SLC24A2: variants seen among roughly 807,000 people sequenced by gnomAD.
The protein encoded by SLC24A2 is solute carrier family 24 member 2, also known as sodium/potassium/calcium exchanger 2.
In SLC24A2, 36 loss-of-function variants were observed where a neutral mutation model predicts 62.0. The observed-to-expected ratio is 0.58, with a 90% confidence interval of 0.44 to 0.77. The LOEUF (loss-of-function observed/expected upper bound fraction) is 0.77. SLC24A2 is among the 30% of genes least tolerant of loss of function. SLC24A2 has a pLI of 0.00. For missense variants in SLC24A2, 846 were observed against 817.9 expected (o/e 1.03, Z -0.42); for synonymous variants, 358 against 294.0 (o/e 1.22, Z -2.23).
chr9:19,987,367 C>T, the SLC24A2 span, among the ~76,000 whole-genome samples: 5 of 152,150 alleles, frequency 3.3e-5, no homozygotes, highest in African/African-American at 1.2e-4. Flanking sequence ...CAAGAAGTCA[C>T]TAAATTCCTA....
the SLC24A2 span, among the ~76,000 whole-genome samples, chr9:20,053,639 G>C: frequency 4.3e-4 from 65 of 152,206 alleles, no homozygotes; most frequent in South Asian, 3.1e-3. Context: ...ATGAGATTAT[G>C]ACCTTATAAA....
rs1832929689 is a variant in SLC24A2, at chr9:19,516,393, C to T, written c.1746G>A (p.Leu582=). The change falls in exon 11 of 11, where the codon CTG becomes CTA. Residue 582 remains leucine (L), a synonymous_variant. Coordinates refer to ENST00000341998, the MANE Select transcript of SLC24A2 (RefSeq NM_020344.4). ...GAATGACGGTGTACAGGAGCCAGGG[C>T]AGTGGGAGCCTGTGCAGAAGTGAAG... ...NIFDITVGLP[L]PWLLYTVIHR... 1 of 1,613,744 alleles carries T rather than the reference C, an allele frequency of 6.2e-7. No homozygotes were observed. Among genetic ancestry groups the T allele is most frequent in the Non-Finnish European group, 8.5e-7 (1 of 1,179,924 alleles).
At chr9:20,011,144 G>C in the SLC24A2 span, among the ~76,000 whole-genome samples, 24 of 152,106 alleles carry the variant, frequency 1.6e-4, no homozygotes, top group African/African-American at 5.6e-4. Flanking sequence ...ATGGCTGGGT[G>C]AAATGGTATT....
the SLC24A2 span, among the ~76,000 whole-genome samples, chr9:20,076,047 A>G: frequency 1.3e-5 from 2 of 152,228 alleles, no homozygotes; most frequent in Non-Finnish European, 2.9e-5. Flanking sequence ...TTAGGGAATA[A>G]TAACAAGAAA....
At chr9:19,851,987 C>G in the SLC24A2 span, among the ~76,000 whole-genome samples, 1 of 152,204 alleles carries the variant, frequency 6.6e-6, no homozygotes, top group South Asian at 2.1e-4. Flanking sequence ...GCCTCACCAG[C>G]ATCTGTGGTT....
At chr9:19,843,317 C>A in the SLC24A2 span, among the ~76,000 whole-genome samples, 2 of 152,148 alleles carry the variant, frequency 1.3e-5, no homozygotes, top group Non-Finnish European at 2.9e-5. Context: ...GCCTGGCTAA[C>A]ATGGTGAAAT....
At chr9:20,055,893 A>C in the SLC24A2 span, among the ~76,000 whole-genome samples, 1 of 152,132 alleles carries the variant, frequency 6.6e-6, no homozygotes. Context: ...TGTCTCCAAA[A>C]TATAAAAAAA....
At chr9:19,647,611 T>C (rs983955017) in intron 2 of SLC24A2, among the ~76,000 whole-genome samples, 1 of 152,118 alleles carries the variant, frequency 6.6e-6, no homozygotes, top group South Asian at 2.1e-4. Context: ...AACATGTACA[T>C]ATACAGATAC....
At chr9:19,536,435 A>T in intron 8 of SLC24A2, among the ~76,000 whole-genome samples, 1 of 112,688 alleles carries the variant, frequency 8.9e-6, no homozygotes, top group Non-Finnish European at 1.7e-5. Flanking sequence ...CCCACCTATG[A>T]GTGAGAATAT....
At chr9:19,593,131 C>A (rs1836605728) in intron 5 of SLC24A2, among the ~76,000 whole-genome samples, 1 of 152,198 alleles carries the variant, frequency 6.6e-6, no homozygotes, top group Non-Finnish European at 1.5e-5. Context: ...AGGCACAGTG[C>A]TGTGAGCTTT....
chr9:19,908,360 T>C, the SLC24A2 span, among the ~76,000 whole-genome samples: 1 of 152,080 alleles, frequency 6.6e-6, no homozygotes, highest in African/African-American at 2.4e-5. Context: ...ACTTAAATGT[T>C]AGACCTAAAA....
At chr9:19,603,341 T>G (rs1047792578) in intron 4 of SLC24A2, among the ~76,000 whole-genome samples, 1 of 152,200 alleles carries the variant, frequency 6.6e-6, no homozygotes, top group Non-Finnish European at 1.5e-5. Flanking sequence ...ACAAACACAT[T>G]TATTACCCAC....
the SLC24A2 span, among the ~76,000 whole-genome samples, chr9:19,855,215 C>T: frequency 2.6e-5 from 4 of 152,122 alleles, no homozygotes; most frequent in Non-Finnish European, 5.9e-5. Flanking sequence ...TTGAATACAG[C>T]GCACTGATGG....
rs1486533162 is a variant in SLC24A2 at position 19,516,236 on chromosome 9, T to C, written c.1903A>G (p.Ile635Val). 3.1e-6 allele frequency: 5 copies of C among 1,614,100 alleles called. No individual in the cohort carries two copies. Among genetic ancestry groups the C allele is most frequent in the South Asian group, 1.1e-5 (1 of 91,062 alleles). The change falls in exon 11 of 11, where the codon ATC becomes GTC. Residue 635 changes from isoleucine (I) to valine (V), a missense_variant. By Grantham distance (29) the Ile-to-Val change is conservative. Coordinates refer to ENST00000341998, the MANE Select transcript of SLC24A2 (RefSeq NM_020344.4). ...KWRMNKILGF[I>V]MFGLYFVFLV... ...AACACAAAGTAGAGGCCAAACATGA[T>C]GAAGCCCAGGATTTTGTTCATTCGC... is the stretch of plus-strand genomic sequence containing the variant.
chr9:19,897,575 G>A, the SLC24A2 span, among the ~76,000 whole-genome samples: 1 of 152,196 alleles, frequency 6.6e-6, no homozygotes, highest in Non-Finnish European at 1.5e-5. Context: ...ACAGTTCCAA[G>A]TTAGGATGGG....
the SLC24A2 span, among the ~76,000 whole-genome samples, chr9:19,908,617 A>G: frequency 4.6e-5 from 7 of 152,330 alleles, no homozygotes; most frequent in African/African-American, 1.2e-4. Flanking sequence ...AGAATCTACA[A>G]TGAACTCAAA....
the SLC24A2 span, among the ~76,000 whole-genome samples, chr9:20,137,766 A>G: frequency 2.0e-5 from 3 of 152,346 alleles, no homozygotes; most frequent in Non-Finnish European, 2.9e-5. Context: ...AGAGTCAAGG[A>G]GGTTTCCCCC....
chr9:20,001,787 A>G, the SLC24A2 span, among the ~76,000 whole-genome samples: 1 of 152,178 alleles, frequency 6.6e-6, no homozygotes, highest in African/African-American at 2.4e-5. Context: ...GCCTCTCCCA[A>G]AGAAAAAAAG....
intron 2 of SLC24A2, among the ~76,000 whole-genome samples, chr9:19,735,448 G>C (rs774483500): frequency 6.6e-6 from 1 of 152,024 alleles, no homozygotes; most frequent in African/African-American, 2.4e-5. Context: ...AGTCAGTGTG[G>C]CGATTCCTCA....
Sources: gnomAD v4.1 joint callset for allele counts (sites outside exome capture counted in the v4.1 genomes callset) on GRCh38, gnomAD v4.1.1 for gene constraint, MANE v1.5 for transcripts, NCBI Gene and HGNC (gene_info 2026-07-23, HGNC 2026-07-21) for gene names.